The following IL1RAPL1 variants were observed in gnomAD, a reference collection of about 807,000 sequenced individuals.
IL1RAPL1 encodes interleukin 1 receptor accessory protein like 1.
A neutral mutation model predicts 48.4 loss-of-function variants in IL1RAPL1; 3 were observed. The ratio of observed to expected loss-of-function variants is 0.06; its 90% CI spans 0.03 to 0.16. The LOEUF (loss-of-function observed/expected upper bound fraction) is 0.16. Ranked by LOEUF, IL1RAPL1 falls within the 10% of genes least tolerant of loss-of-function variation. IL1RAPL1 has a pLI of 1.00. For synonymous variants in IL1RAPL1, 185 were observed against 187.7 expected, an observed-to-expected ratio of 0.99 and a Z score of 0.12; for missense variants, 349 against 530.6, an observed-to-expected ratio of 0.66 and a Z score of 3.36.
intron 5 of IL1RAPL1, among the ~76,000 whole-genome samples, chrX:29,540,978 A>G (rs2147783076): frequency 8.9e-6 from 1 of 112,287 alleles, no homozygotes; most frequent in Non-Finnish European, 1.9e-5. Context: ...AGAAACTGTC[A>G]GCAGAGTAAA....
At chrX:29,145,947 C>G (rs934778463) in intron 2 of IL1RAPL1, among the ~76,000 whole-genome samples, 1 of 111,742 alleles carries the variant, frequency 8.9e-6, no homozygotes, top group Non-Finnish European at 1.9e-5. Context: ...GCAAGAGCAC[C>G]CTAACTGACT....
chrX:29,483,840 C>T (rs892254816), intron 5 of IL1RAPL1, among the ~76,000 whole-genome samples: 6 of 109,630 alleles, frequency 5.5e-5, no homozygotes, highest in Non-Finnish European at 1.1e-4. Context: ...TACAGGCACA[C>T]GCCACCATAC....
At chrX:29,471,780 T>C (rs1248165763) in intron 5 of IL1RAPL1, among the ~76,000 whole-genome samples, 1 of 111,694 alleles carries the variant, frequency 9.0e-6, no homozygotes, top group Non-Finnish European at 1.9e-5. Flanking sequence ...TTTTGAATAT[T>C]TCATATAAAT....
chrX:29,698,171 CT>C (rs757165756), intron 6 of IL1RAPL1, among the ~76,000 whole-genome samples: 1,367 of 93,816 alleles, frequency 0.015, 10 homozygotes, highest in Middle Eastern at 0.028. Context: ...CTGGAATGTT[CT>C]TTTTTTTTTT....
chrX:29,504,143 C>T (rs1935304232), intron 5 of IL1RAPL1, among the ~76,000 whole-genome samples: 1 of 110,116 alleles, frequency 9.1e-6, no homozygotes, highest in Non-Finnish European at 1.9e-5. Flanking sequence ...GTGTAGTTTC[C>T]AAGGTTCTTC....
chrX:29,674,745 G>C (rs1276907327), intron 6 of IL1RAPL1, among the ~76,000 whole-genome samples: 1 of 110,842 alleles, frequency 9.0e-6, no homozygotes, highest in African/African-American at 3.3e-5. Flanking sequence ...GTAGGCCCCA[G>C]TGTGTGTTGT....
chrX:28,609,101 G>A, intron 1 of IL1RAPL1, among the ~76,000 whole-genome samples: 1 of 111,931 alleles, frequency 8.9e-6, no homozygotes, highest in Non-Finnish European at 1.9e-5. Flanking sequence ...GTAGAAAAAG[G>A]GAAAAATGTA....
At chrX:29,759,008 A>G (rs1244691577) in intron 6 of IL1RAPL1, among the ~76,000 whole-genome samples, 1 of 111,698 alleles carries the variant, frequency 9.0e-6, no homozygotes, top group Non-Finnish European at 1.9e-5. Flanking sequence ...TAACAACTAA[A>G]CCCTAGAGAC....
In IL1RAPL1 at chrX:29,081,020, CTTTCTTTTCT is replaced by C. The variant is rs60180938; in HGVS notation, c.83-201885_83-201876del. ...TCTCTCTCTCTCTCTCTCTCTCTCT[CTTTCTTTTCT>C]TTTCTTTTCTTTTCTTTTCTTTTCT... On this transcript the variant is annotated intron_variant, in intron 2 of 10. Transcript: ENST00000378993. 3.8e-3 allele frequency among the ~76,000 whole-genome samples: 158 copies of C among 41,859 alleles called. 2 individuals are homozygous for C. Among genetic ancestry groups the C allele is most frequent in the Admixed American group, 4.6e-3 (14 of 3,052 alleles). The allele number at this position is 41,859 out of a possible 115,157, so 36.3% of individuals were successfully genotyped here. A position where few individuals can be genotyped will look rare whatever the true frequency, so the allele number is the denominator to read the frequency against.
intron 2 of IL1RAPL1, among the ~76,000 whole-genome samples, chrX:29,018,890 G>C (rs1377675139): frequency 1.8e-5 from 2 of 111,869 alleles, no homozygotes; most frequent in African/African-American, 6.5e-5. Flanking sequence ...GACTGCTAAT[G>C]GGTATAAGAT....
chrX:28,946,057 A>AAT (rs772050652), intron 2 of IL1RAPL1, among the ~76,000 whole-genome samples: 2 of 109,846 alleles, frequency 1.8e-5, no homozygotes, highest in African/African-American at 3.3e-5. Flanking sequence ...GTGTGATACA[A>AAT]ATATATAGTG....
At chrX:29,678,691 A>G (rs894514841) in intron 6 of IL1RAPL1, among the ~76,000 whole-genome samples, 1 of 111,066 alleles carries the variant, frequency 9.0e-6, no homozygotes, top group African/African-American at 3.3e-5. Context: ...TAGAAATGCC[A>G]AGGATCTTTA....
chrX:28,972,009 T>C (rs1342809536), intron 2 of IL1RAPL1, among the ~76,000 whole-genome samples: 13 of 109,500 alleles, frequency 1.2e-4, no homozygotes, highest in African/African-American at 3.3e-4. Context: ...GGTCACTACA[T>C]CCTGTCATGG....
intron 2 of IL1RAPL1, among the ~76,000 whole-genome samples, chrX:28,908,932 T>A (rs1228728020): frequency 8.9e-6 from 1 of 112,175 alleles, no homozygotes; most frequent in Non-Finnish European, 1.9e-5. Flanking sequence ...TTTTTTGTTA[T>A]GTAGCGTCCT....
chrX:29,746,276 A>G (rs891691692), intron 6 of IL1RAPL1, among the ~76,000 whole-genome samples: 1 of 112,295 alleles, frequency 8.9e-6, no homozygotes, highest in Non-Finnish European at 1.9e-5. Flanking sequence ...CTAAGTGCAG[A>G]AAAATCTGTT....
chrX:29,333,407 T>C (rs868831631), intron 3 of IL1RAPL1, among the ~76,000 whole-genome samples: 1 of 92,727 alleles, frequency 1.1e-5, no homozygotes, highest in Middle Eastern at 6.1e-3. Flanking sequence ...GGCGGGGGGC[T>C]GACCCCCCCA....
chrX:29,329,828 AAAC>A (rs1214761802), intron 3 of IL1RAPL1, among the ~76,000 whole-genome samples: 1 of 110,485 alleles, frequency 9.1e-6, no homozygotes, highest in Non-Finnish European at 1.9e-5. Flanking sequence ...AAAAAAAAAA[AAAC>A]AACTACTGAT....
intron 2 of IL1RAPL1, among the ~76,000 whole-genome samples, chrX:29,130,808 T>C (rs1437282784): frequency 1.8e-5 from 2 of 112,463 alleles, no homozygotes; most frequent in Admixed American, 9.4e-5. Flanking sequence ...TTTACTCCCC[T>C]TTATCTCCTT....
chrX:29,661,192 T>A (rs764841944), intron 5 of IL1RAPL1, among the ~76,000 whole-genome samples: 4 of 112,715 alleles, frequency 3.5e-5, no homozygotes, highest in African/African-American at 6.5e-5. Context: ...TTCACTGAAT[T>A]CATTTATCAA....
Sources: gnomAD v4.1 joint callset for allele counts (sites outside exome capture counted in the v4.1 genomes callset) on GRCh38, gnomAD v4.1.1 for gene constraint, MANE v1.5 for transcripts, NCBI Gene and HGNC (gene_info 2026-07-23, HGNC 2026-07-21) for gene names.